USP47: variants seen among roughly 807,000 people sequenced by gnomAD.
USP47 encodes ubiquitin specific peptidase 47.
A neutral mutation model predicts 165.1 loss-of-function variants in USP47; 35 were observed. That is an observed-to-expected ratio of 0.21 (90% confidence interval 0.16 to 0.28). The LOEUF (loss-of-function observed/expected upper bound fraction) is 0.28. USP47 is among the 10% of genes least tolerant of loss of function. The pLI is 1.00. For missense variants in USP47, 1,277 were observed against 1,607.4 expected (o/e 0.79, Z 3.52); for synonymous variants, 531 against 544.5 (o/e 0.98, Z 0.35).
chr11:11,931,517 T>C (rs1358391982), intron 14 of USP47, among the ~76,000 whole-genome samples: 1 of 152,206 alleles, frequency 6.6e-6, no homozygotes, highest in East Asian at 1.9e-4. Context: ...AAGAGTAAGC[T>C]GACCCAGGTC....
chr11:11,950,399 G>A lies in USP47; in HGVS notation c.3500G>A (p.Gly1167Asp), dbSNP rs758191249. The A allele has an allele frequency of 6.2e-6, 10 of 1,606,746 alleles. No homozygotes were observed. Among genetic ancestry groups the A allele is most frequent in the Non-Finnish European group, 8.5e-6 (10 of 1,177,592 alleles). The part of the protein sequence containing the change: ...RLRKKTWKNP[G>D]TVFLDYHIYE... ...AGGAAAAAAACATGGAAGAATCCTG[G>A]CACTGTCTTTTTGGATTATCATATT... Residue 1167 changes from glycine (G) to aspartate (D), a missense_variant, in exon 24 of 28, where the codon GGC becomes GAC. This residue lies in a region of USP47 where 909 missense variants were observed against 1,068.1 expected (regional missense o/e 0.85). Coordinates refer to ENST00000527733, the MANE Select transcript of USP47 (RefSeq NM_001282659.2).
chr11:11,952,694 A>T, intron 24 of USP47, 47 bp from the exon 25 acceptor site: 1 of 1,479,516 alleles, frequency 6.8e-7, no homozygotes, highest in Non-Finnish European at 9.0e-7. Flanking sequence ...TCAAATTATG[A>T]ACCTTCAGAG....
chr11:11,874,507 GC>G (rs1194660309), intron 1 of USP47, among the ~76,000 whole-genome samples: 3 of 151,802 alleles, frequency 2.0e-5, no homozygotes, highest in Admixed American at 2.0e-4. Context: ...TTCATTAATA[GC>G]CTTAGAAATG....
At chr11:11,843,326 G>A (rs1186217459) in intron 1 of USP47, among the ~76,000 whole-genome samples, 1 of 152,208 alleles carries the variant, frequency 6.6e-6, no homozygotes, top group South Asian at 2.1e-4. Flanking sequence ...TGTCAGAAGG[G>A]CAGTGATAGT....
intron 24 of USP47, chr11:11,952,321 A>G (rs978174917): frequency 6.6e-5 from 10 of 152,416 alleles, no homozygotes; most frequent in African/African-American, 2.4e-4. Context: ...ATTTTGAAGA[A>G]TCACTAAATT....
Position 11,842,197 on chromosome 11 carries a change from CGAG to C in USP47, c.16_18del (p.Glu6del), listed in dbSNP as rs1346706304. The C allele has an allele frequency of 1.4e-5, 22 of 1,553,876 alleles. No homozygotes were observed. The highest frequency in any genetic ancestry group is 2.0e-5 in the Admixed American group (1 of 51,156). On this transcript the variant is annotated inframe_deletion, in exon 1 of 28. Transcript: ENST00000527733. The stretch of plus-strand genomic sequence containing the variant: ...GGCCGGAGTCAGCGATGGTGCCCGG[CGAG>C]GAGAACCAACTGGTCCCGAAAGAGG...
At chr11:11,938,023 T>C (rs549529400) in intron 17 of USP47, among the ~76,000 whole-genome samples, 1 of 152,122 alleles carries the variant, frequency 6.6e-6, no homozygotes, top group South Asian at 2.1e-4. Context: ...AAGTCTTTGA[T>C]GATGAACAAG....
At chr11:11,901,723 C>T (rs1406472234) in intron 5 of USP47, among the ~76,000 whole-genome samples, 2 of 152,040 alleles carry the variant, frequency 1.3e-5, no homozygotes, top group Admixed American at 1.3e-4. Context: ...CTTTGGGAGG[C>T]AGAGGTGGGT....
intron 1 of USP47, among the ~76,000 whole-genome samples, chr11:11,871,189 A>G (rs776561621): frequency 8.5e-5 from 13 of 152,092 alleles, no homozygotes; most frequent in Non-Finnish European, 1.5e-5. Flanking sequence ...TGCCCTGTGC[A>G]TTATGAGATT....
At chr11:11,848,950 TTAAGA>T (rs888973271) in intron 1 of USP47, among the ~76,000 whole-genome samples, 1 of 150,140 alleles carries the variant, frequency 6.7e-6, no homozygotes, top group African/African-American at 2.5e-5. Flanking sequence ...ATTTTTCAGT[TTAAGA>T]TATTTTTCAG....
intron 11 of USP47, among the ~76,000 whole-genome samples, chr11:11,925,578 A>G (rs1457895201): frequency 1.3e-5 from 2 of 150,300 alleles, no homozygotes; most frequent in Non-Finnish European, 3.0e-5. Context: ...AATGCAACAG[A>G]TTTGTGTGTG....
At chr11:11,933,319 A>C (rs924890907) in intron 15 of USP47, among the ~76,000 whole-genome samples, 1 of 152,166 alleles carries the variant, frequency 6.6e-6, no homozygotes, top group Admixed American at 6.6e-5. Context: ...GACGGTGCTC[A>C]GTGCTGGTGA....
intron 1 of USP47, among the ~76,000 whole-genome samples, chr11:11,854,403 C>T (rs547563678): frequency 6.8e-6 from 1 of 147,058 alleles, no homozygotes; most frequent in African/African-American, 2.4e-5. Context: ...CCTGTCAGTA[C>T]CTTAGTTAAT....
At chr11:11,949,857 C>A in intron 22 of USP47, 32 bp from the exon 23 acceptor site, 1 of 1,456,794 alleles carries the variant, frequency 6.9e-7, no homozygotes, top group South Asian at 1.2e-5. Flanking sequence ...AGGTATAATT[C>A]AAGCTCTGAT....
In USP47 at chr11:11,948,044, G is replaced by A. The variant is rs1237581807; in HGVS notation, c.3191G>A (p.Arg1064Gln). Residue 1064 changes from arginine (R) to glutamine (Q), a missense_variant, in exon 21 of 28, where the codon CGA becomes CAA. Around this residue, in one of 4 missense-constraint regions of USP47, gnomAD observed 909 missense variants for 1,068.1 expected, o/e 0.85. Transcript: ENST00000527733. ...GVLSSHFKVF[R>Q]VYASNQEFES... Reference sequence around the variant, plus strand: ...TTGTCCTCTCACTTCAAGGTCTTTCGAGTGTATGCCAGCAATCAAGAGTTT... The same window carrying A: ...TTGTCCTCTCACTTCAAGGTCTTTCAAGTGTATGCCAGCAATCAAGAGTTT... 5 of 1,613,682 alleles carry A rather than the reference G, an allele frequency of 3.1e-6. No homozygotes were observed. Among genetic ancestry groups the A allele is most frequent in the Non-Finnish European group, 4.2e-6 (5 of 1,179,842 alleles).
intron 8 of USP47, among the ~76,000 whole-genome samples, chr11:11,912,105 C>G (rs1853039037): frequency 6.6e-6 from 1 of 151,208 alleles, no homozygotes; most frequent in Non-Finnish European, 1.5e-5. Flanking sequence ...GTATTAAATG[C>G]TTATACTAAA....
At chr11:11,875,060 TG>T (rs1564859500) in intron 1 of USP47, among the ~76,000 whole-genome samples, 2 of 151,724 alleles carry the variant, frequency 1.3e-5, no homozygotes, top group Non-Finnish European at 2.9e-5. Flanking sequence ...TGTGTGTGTG[TG>T]TGTGTGTGTG....
intron 3 of USP47, among the ~76,000 whole-genome samples, chr11:11,886,469 A>G (rs1851171678): frequency 1.3e-5 from 2 of 152,222 alleles, no homozygotes; most frequent in African/African-American, 4.8e-5. Context: ...ATAGCAGAAT[A>G]GACCAAGTAG....
chr11:11,884,780 T>C (rs920488615), intron 3 of USP47, 200 bp downstream of exon 3: 3 of 469,358 alleles, frequency 6.4e-6, no homozygotes, highest in African/African-American at 6.0e-5. Context: ...TATTTGTGTA[T>C]ACAGTCTGTT....
Sources: allele counts gnomAD v4.1 joint callset (sites outside exome capture counted in the v4.1 genomes callset), GRCh38; gene constraint gnomAD v4.1.1; regional missense constraint gnomAD v4.1.1; transcripts MANE v1.5; gene names NCBI Gene and HGNC (gene_info 2026-07-23, HGNC 2026-07-21).